ZNF780A: variants seen among roughly 807,000 people sequenced by gnomAD.
The protein encoded by ZNF780A is zinc finger protein 780A.
Under a neutral mutation model 56.7 loss-of-function variants are expected in ZNF780A, and 40 were observed. That is an observed-to-expected ratio of 0.71 (90% CI 0.55 to 0.92). The LOEUF is 0.92. Ranked by LOEUF, ZNF780A falls within the 40% of genes least tolerant of loss-of-function variation. The pLI is 0.00. For missense variants in ZNF780A, 672 were observed against 783.3 expected (o/e 0.86, Z 1.70); for synonymous variants, 231 against 248.3 (o/e 0.93, Z 0.66).
At position 40,074,797 on chromosome 19, in the gene ZNF780A, T is replaced by C. The variant is rs1456358827; in HGVS notation, c.1645A>G (p.Ser549Gly). 4 of 1,614,156 alleles carry C rather than the reference T, an allele frequency of 2.5e-6. No individual in the cohort carries two copies. In the South Asian group the frequency reaches 4.4e-5, roughly 18 times the overall value. The part of the protein sequence containing the change: ...RRGSNLNQHR[S>G]IHTGKKPFEC... ...AAGGGTTTCTTTCCAGTATGAATACTTCGATGTTGATTAAGATTTGAACCA... is the reference window on the plus strand; with the variant it reads ...AAGGGTTTCTTTCCAGTATGAATACCTCGATGTTGATTAAGATTTGAACCA... Residue 549 changes from serine to glycine, a missense_variant, in exon 6 of 6, where the codon AGT becomes GGT. Coordinates refer to ENST00000683561, the MANE Select transcript of ZNF780A (RefSeq NM_001142578.2).
downstream of ZNF780A, chr19:40,070,914 A>G (rs530973783): frequency 4.2e-4 from 64 of 152,262 alleles, no homozygotes; most frequent in Admixed American, 1.2e-3. Flanking sequence ...GTTGAGTTCA[A>G]AAAAGAAAGT....
In ZNF780A at chr19:40,075,195, G is replaced by T; in HGVS notation, c.1247C>A (p.Pro416Gln). Residue 416 changes from proline (P) to glutamine (Q), a missense_variant, in exon 6 of 6, where the codon CCA becomes CAA. By Grantham distance (76) the Pro-to-Gln change is moderately conservative (BLOSUM62 -1). Coordinates refer to ENST00000683561, the MANE Select transcript of ZNF780A (RefSeq NM_001142578.2). ...QHQSIHAGIK[P>Q]YECKECGKGF... Reference sequence around the variant, plus strand: ...TTTCCCACACTCCTTACATTCATATGGTTTTATACCAGCATGAATACTCTG... The same window carrying T: ...TTTCCCACACTCCTTACATTCATATTGTTTTATACCAGCATGAATACTCTG... 1 of 1,613,570 alleles carries T rather than the reference G, an allele frequency of 6.2e-7. No individual in the cohort carries two copies. The highest frequency in any genetic ancestry group is 8.5e-7 in the Non-Finnish European group (1 of 1,179,904).
Position 40,075,690 on chromosome 19 carries a change from C to T in ZNF780A, c.752G>A (p.Cys251Tyr), listed in dbSNP as rs754505282. 1 of 1,614,024 alleles carries T rather than the reference C, an allele frequency of 6.2e-7. No homozygotes were observed. Among genetic ancestry groups the T allele is most frequent in the East Asian group, 2.2e-5 (1 of 44,888 alleles). ...ATTAAAGGACTTCCCACATTCCTTA[C>T]ATTCAAACAGTTTCTCACCTGTGTG... is the stretch of plus-strand genomic sequence containing the variant. ...NIHTGEKLFE[C>Y]KECGKSFNRS... The change falls in exon 6 of 6, where the codon TGT becomes TAT. Residue 251 changes from cysteine to tyrosine, a missense_variant. Physicochemically the swap from Cys to Tyr is radical, Grantham distance 194 (BLOSUM62 -2). Coordinates refer to ENST00000683561, the MANE Select transcript of ZNF780A (RefSeq NM_001142578.2).
rs780284989 is a variant in ZNF780A, at chr19:40,075,165, A to C, written c.1277T>G (p.Phe426Cys). 6.2e-7 allele frequency: 1 copy of C among 1,613,884 alleles called. No individual in the cohort carries two copies. The highest frequency in any genetic ancestry group is 8.5e-7 in the Non-Finnish European group (1 of 1,179,950). The change falls in exon 6 of 6, where the codon TTT becomes TGT. Residue 426 changes from phenylalanine to cysteine, a missense_variant. Coordinates refer to ENST00000683561, the MANE Select transcript of ZNF780A (RefSeq NM_001142578.2). Reference sequence around the variant, plus strand: ...CTGAATAAGGTGTGCACCACGATTAAAGCCTTTCCCACACTCCTTACATTC... The same window carrying C: ...CTGAATAAGGTGTGCACCACGATTACAGCCTTTCCCACACTCCTTACATTC... Reference protein sequence around the residue: ...PYECKECGKGFNRGAHLIQHQ... With the variant: ...PYECKECGKGCNRGAHLIQHQ...
rs147050801 is a variant in ZNF780A at position 40,073,239 on chromosome 19, CACA to C, written c.*1274_*1276del. 2,065 of 483,772 alleles carry C rather than the reference CACA, an allele frequency of 4.3e-3. 27 individuals carry two copies. The highest frequency in any genetic ancestry group is 0.039 in the African/African-American group (1,914 of 49,072). The allele number at this position is 483,772 out of a possible 1,614,324, so 30.0% of individuals were successfully genotyped here. On this transcript the variant is annotated 3_prime_UTR_variant, in exon 6 of 6. Transcript: ENST00000683561. ...TATATTTGACTATTCTTTCAAAACC[CACA>C]ACAAGTATCAACTAGGTTTACCATC...
In ZNF780A at chr19:40,074,206, T is replaced by G; in HGVS notation, c.*310A>C. The stretch of plus-strand genomic sequence containing the variant: ...TCAAATGGCTTCTCGCCAGTATGAA[T>G]GACCTGAAGTCCAGCAAGCTGTGTC... On this transcript the variant is annotated 3_prime_UTR_variant, in exon 6 of 6. Transcript: ENST00000683561. The G allele has an allele frequency of 7.1e-7, 1 of 1,416,426 alleles. No homozygotes were observed. Among genetic ancestry groups the G allele is most frequent in the Non-Finnish European group, 9.3e-7 (1 of 1,075,238 alleles). The allele number at this position is 1,416,426 out of a possible 1,614,324, so 87.7% of individuals were successfully genotyped here.
chr19:40,076,187 A>G lies in ZNF780A; in HGVS notation c.255T>C (p.Pro85=). The G allele has an allele frequency of 6.4e-7, 1 of 1,562,178 alleles. No homozygotes were observed. The highest frequency in any genetic ancestry group is 8.6e-7 in the Non-Finnish European group (1 of 1,160,542). Residue 85 remains proline (P), a synonymous_variant, in exon 6 of 6, where the codon CCT becomes CCC. Coordinates refer to ENST00000683561, the MANE Select transcript of ZNF780A (RefSeq NM_001142578.2). ...TATCATTTTCTGGAGATACTTTCTC[A>G]GGTCCATATTTTAACTCCAAATCTG... is the stretch of plus-strand genomic sequence containing the variant. ...RYPDLELKYG[P]EKVSPENDTS...
At chr19:40,083,637 C>G (rs912149622) in intron 3 of ZNF780A, among the ~76,000 whole-genome samples, 4 of 147,126 alleles carry the variant, frequency 2.7e-5, no homozygotes, top group Non-Finnish European at 4.4e-5. Flanking sequence ...GCACTCCAGC[C>G]TGGGCCACAG....
At chr19:40,085,156 C>T (rs966378582) in intron 2 of ZNF780A, 1 of 985,432 alleles carries the variant, frequency 1.0e-6, no homozygotes, top group South Asian at 4.7e-5. Flanking sequence ...AGATCCTCCT[C>T]CCCCAGTCCC....
At position 40,073,065 on chromosome 19, in the gene ZNF780A, G is replaced by A. The variant is rs1288185350; in HGVS notation, c.*1451C>T. The A allele has an allele frequency of 1.6e-5, 22 of 1,412,572 alleles. No individual in the cohort carries two copies. The highest frequency in any genetic ancestry group is 1.7e-5 in the Non-Finnish European group (19 of 1,086,806). 87.5% of individuals were successfully genotyped at this position (1,412,572 alleles called of 1,614,324 possible). ...ATGGCTATATGATATTGTCTATATT[G>A]TCTTCATGTTTGGTTGATACACACG... On this transcript the variant is annotated 3_prime_UTR_variant, in exon 6 of 6. Transcript: ENST00000683561.
chr19:40,080,979 A>G (rs1359186351), intron 5 of ZNF780A, among the ~76,000 whole-genome samples: 1 of 152,200 alleles, frequency 6.6e-6, no homozygotes. Context: ...ACTCAAAACT[A>G]TAAAACAACT....
In ZNF780A at chr19:40,074,278, T is replaced by G. The variant is rs549698362; in HGVS notation, c.*238A>C. ...CATTCTTTACATTCAAAGGGTTTTT[T>G]ACCAGTGTGAATTTGGTAATGTTAA... On this transcript the variant is annotated 3_prime_UTR_variant, in exon 6 of 6. Coordinates refer to ENST00000683561, the MANE Select transcript of ZNF780A (RefSeq NM_001142578.2). The G allele has an allele frequency of 6.8e-7, 1 of 1,478,004 alleles. No individual in the cohort carries two copies. Among genetic ancestry groups the G allele is most frequent in the East Asian group, 2.4e-5 (1 of 42,038 alleles). 91.6% of individuals were successfully genotyped at this position (1,478,004 alleles called of 1,614,324 possible).
chr19:40,071,848 C>T (rs1302660765), downstream of ZNF780A: 3 of 152,428 alleles, frequency 2.0e-5, no homozygotes, highest in Admixed American at 6.5e-5. Context: ...AAGAGAACAA[C>T]ACTAAATGAC....
intron 2 of ZNF780A, among the ~76,000 whole-genome samples, chr19:40,085,005 C>A (rs1319847738): frequency 1.3e-5 from 2 of 152,266 alleles, no homozygotes; most frequent in Non-Finnish European, 2.9e-5. Context: ...CAAGCTCTCG[C>A]CTGCATCCCA....
chr19:40,078,118 A>G (rs1974257820), intron 5 of ZNF780A, among the ~76,000 whole-genome samples: 1 of 151,946 alleles, frequency 6.6e-6, no homozygotes, highest in Non-Finnish European at 1.5e-5. Context: ...AGAACCAAAC[A>G]GAAATTCTGA....
intron 2 of ZNF780A, chr19:40,085,404 T>G: frequency 4.2e-6 from 4 of 944,240 alleles, no homozygotes; most frequent in Non-Finnish European, 5.0e-6. Flanking sequence ...TCAAGATATA[T>G]GATTAACAGA....
intron 3 of ZNF780A, among the ~76,000 whole-genome samples, chr19:40,083,667 G>GAAAAA (rs571135549): frequency 4.5e-5 from 2 of 44,662 alleles, no homozygotes; most frequent in East Asian, 7.1e-4. Context: ...CTGTCTCAGA[G>GAAAAA]AAAAAAAAAA....
At chr19:40,082,256 C>T (rs1226683046) in intron 4 of ZNF780A, among the ~76,000 whole-genome samples, 1 of 152,006 alleles carries the variant, frequency 6.6e-6, no homozygotes, top group Non-Finnish European at 1.5e-5. Context: ...TTCAGTTTTC[C>T]CAACTCTAAA....
chr19:40,082,834 A>G (rs1974556339), intron 4 of ZNF780A, among the ~76,000 whole-genome samples: 1 of 152,218 alleles, frequency 6.6e-6, no homozygotes, highest in Non-Finnish European at 1.5e-5. Context: ...AATATCTTTC[A>G]ATGAATGTAC....
Sources: allele counts gnomAD v4.1 joint callset (sites outside exome capture counted in the v4.1 genomes callset), GRCh38; gene constraint gnomAD v4.1.1; transcripts MANE v1.5; gene names NCBI Gene and HGNC (gene_info 2026-07-23, HGNC 2026-07-21).